BMPR2: variants seen among roughly 807,000 people sequenced by gnomAD.
BMPR2 encodes bone morphogenetic protein receptor type-2.
Under a neutral mutation model 100.8 loss-of-function variants are expected in BMPR2, and 29 were observed. That is an observed-to-expected ratio of 0.29 (90% confidence interval 0.21 to 0.39). The LOEUF (loss-of-function observed/expected upper bound fraction) is 0.39. BMPR2 is among the 10% of genes least tolerant of loss of function. The pLI, the probability that BMPR2 is intolerant of heterozygous loss-of-function variation, is 1.00. For missense variants in BMPR2, 1,011 were observed against 1,274.5 expected, an observed-to-expected ratio of 0.79 and a Z score of 3.15; for synonymous variants, 382 against 442.3, an observed-to-expected ratio of 0.86 and a Z score of 1.71.
rs555887407 is a variant in BMPR2, at chr2:202,435,983, A to G, written c.77-28826A>G. Among the ~76,000 whole-genome samples the G allele has an allele frequency of 1.1e-3, 173 of 150,782 alleles. 4 individuals carry two copies. The Middle Eastern group carries it at 0.027, about 24-fold the overall frequency. ...ACATATTTCTGTCATTAAGCCACAC[A>G]TGACTGCCTTAAGTATTGTTCCATG... is the stretch of plus-strand genomic sequence containing the variant. On this transcript the variant is annotated intron_variant, in intron 1 of 12. Coordinates refer to ENST00000374580, the MANE Select transcript of BMPR2 (RefSeq NM_001204.7).
chr2:202,405,476 C>T (rs1220939869), intron 1 of BMPR2, among the ~76,000 whole-genome samples: 1 of 152,018 alleles, frequency 6.6e-6, no homozygotes, highest in Non-Finnish European at 1.5e-5. Flanking sequence ...ATCACGAGGT[C>T]AGGAGATCGA....
intron 3 of BMPR2, among the ~76,000 whole-genome samples, chr2:202,490,656 G>A (rs752642858): frequency 6.6e-6 from 1 of 152,202 alleles, no homozygotes; most frequent in South Asian, 2.1e-4. Context: ...TTTCTCCAGT[G>A]CTTCTAAGCA....
intron 3 of BMPR2, among the ~76,000 whole-genome samples, chr2:202,472,725 A>C (rs762981959): frequency 5.9e-5 from 9 of 152,212 alleles, no homozygotes; most frequent in Non-Finnish European, 1.2e-4. Flanking sequence ...GCTGCCTTAC[A>C]TTTCAGATTG....
In BMPR2 at chr2:202,432,326, G is replaced by A. The variant is rs181699677; in HGVS notation, c.77-32483G>A. ...ACCAGGTAATGATTTATTCCTTGCC[G>A]GTTATTTGAGATTTTTCTTTACCAT... On this transcript the variant is annotated intron_variant, in intron 1 of 12. Coordinates refer to ENST00000374580, the MANE Select transcript of BMPR2 (RefSeq NM_001204.7). Among the ~76,000 whole-genome samples, 11 of 150,644 alleles carry A rather than the reference G, an allele frequency of 7.3e-5. 1 individual carries two copies. Among genetic ancestry groups the A allele is most frequent in the African/African-American group, 2.0e-4 (8 of 40,038 alleles).
chr2:202,417,330 C>CTTTTTT (rs1394848123), intron 1 of BMPR2, among the ~76,000 whole-genome samples: 2 of 151,376 alleles, frequency 1.3e-5, no homozygotes, highest in Non-Finnish European at 2.9e-5. Context: ...CGGAGTTTCA[C>CTTTTTT]TTTTTTTGCC....
chr2:202,406,971 A>G (rs1264501742), intron 1 of BMPR2, among the ~76,000 whole-genome samples: 2 of 151,632 alleles, frequency 1.3e-5, no homozygotes, highest in Non-Finnish European at 1.5e-5. Context: ...CAGAGTTTCA[A>G]ACTTACTCGA....
intron 1 of BMPR2, among the ~76,000 whole-genome samples, chr2:202,451,034 C>T (rs1241260564): frequency 1.3e-5 from 2 of 152,076 alleles, no homozygotes; most frequent in Admixed American, 1.3e-4. Context: ...CAAGCATGCC[C>T]AGAATTAGTC....
chr2:202,378,138 G>C (rs1690192687), intron 1 of BMPR2, among the ~76,000 whole-genome samples: 1 of 152,184 alleles, frequency 6.6e-6, no homozygotes, highest in Non-Finnish European at 1.5e-5. Flanking sequence ...TAACTTTACT[G>C]TTAGTCATCT....
chr2:202,506,426 C>T (rs1054858955), intron 3 of BMPR2, among the ~76,000 whole-genome samples: 2 of 152,088 alleles, frequency 1.3e-5, no homozygotes, highest in African/African-American at 4.8e-5. Context: ...TTGGCCTCCA[C>T]TTTACAGACA....
At position 202,376,511 on chromosome 2, in the gene BMPR2, A is replaced by AGGCGGCGGCGGCGGCGGCGGC. The variant is rs375624016; in HGVS notation, c.-948_-928dup. Among the ~76,000 whole-genome samples the AGGCGGCGGCGGCGGCGGCGGC allele has an allele frequency of 7.3e-4, 92 of 125,864 alleles. No individual in the cohort carries two copies. Among genetic ancestry groups the AGGCGGCGGCGGCGGCGGCGGC allele is most frequent in the African/African-American group, 1.6e-3 (54 of 34,012 alleles). 82.6% of individuals were successfully genotyped at this position (125,864 alleles called of 152,430 possible). On this transcript the variant is annotated 5_prime_UTR_variant, in exon 1 of 13. Coordinates refer to ENST00000374580, the MANE Select transcript of BMPR2 (RefSeq NM_001204.7). ...AGGAGCCCAGAGCTGCGGGAGAACG[A>AGGCGGCGGCGGCGGCGGCGGC]GGCGGCGGCGGCGGCGGCGGCGGCG...
chr2:202,450,406 C>T (rs1691953220), intron 1 of BMPR2, among the ~76,000 whole-genome samples: 1 of 151,832 alleles, frequency 6.6e-6, no homozygotes, highest in Non-Finnish European at 1.5e-5. Context: ...AAGATTTCAC[C>T]ATGGGCTGGG....
At chr2:202,558,830 T>G in intron 12 of BMPR2, among the ~76,000 whole-genome samples, 1 of 150,260 alleles carries the variant, frequency 6.7e-6, no homozygotes, top group South Asian at 2.1e-4. Flanking sequence ...GAGGCAGAGG[T>G]TGCGGTGAGC....
At chr2:202,483,501 C>T (rs1284418580) in intron 3 of BMPR2, among the ~76,000 whole-genome samples, 1 of 151,696 alleles carries the variant, frequency 6.6e-6, no homozygotes, top group African/African-American at 2.4e-5. Context: ...CAGGTTCAAG[C>T]CATTCTCCTG....
chr2:202,518,587 T>A (rs1021555952), intron 5 of BMPR2, among the ~76,000 whole-genome samples: 1 of 152,170 alleles, frequency 6.6e-6, no homozygotes, highest in Non-Finnish European at 1.5e-5. Flanking sequence ...TGCCTTTAGA[T>A]CTTTCTTTTT....
At chr2:202,486,241 G>C (rs543041872) in intron 3 of BMPR2, among the ~76,000 whole-genome samples, 9 of 152,264 alleles carry the variant, frequency 5.9e-5, no homozygotes, top group African/African-American at 2.2e-4. Context: ...CAGAAAAGTA[G>C]AAAACAGACA....
chr2:202,514,896 A>C lies in BMPR2; in HGVS notation c.538A>C (p.Lys180Gln), dbSNP rs751814156. The change falls in exon 5 of 13, where the codon AAA becomes CAA. Residue 180 changes from lysine (K) to glutamine (Q), a missense_variant. Lys to Gln is a moderately conservative substitution (Grantham distance 53). Coordinates refer to ENST00000374580, the MANE Select transcript of BMPR2 (RefSeq NM_001204.7). The stretch of plus-strand genomic sequence containing the variant: ...GTTTCCTGTTCTTATAGGAGACCGT[A>C]AACAAGGTCTTCACAGTATGAACAT... ...FGYRMLTGDR[K>Q]QGLHSMNMME... is the part of the protein sequence containing the mutation. 1 of 1,613,672 alleles carries C rather than the reference A, an allele frequency of 6.2e-7. No homozygotes were observed. Among genetic ancestry groups the C allele is most frequent in the Non-Finnish European group, 8.5e-7 (1 of 1,179,586 alleles).
chr2:202,493,317 T>A (rs1037546857), intron 3 of BMPR2, among the ~76,000 whole-genome samples: 1 of 152,180 alleles, frequency 6.6e-6, no homozygotes, highest in African/African-American at 2.4e-5. Context: ...TTTAAAGTTG[T>A]ATAGAGTAAC....
chr2:202,405,463 C>T (rs1008232450), intron 1 of BMPR2, among the ~76,000 whole-genome samples: 11 of 151,760 alleles, frequency 7.2e-5, no homozygotes, highest in African/African-American at 2.4e-4. Context: ...CTGAGGCGGG[C>T]GGATCACGAG....
chr2:202,522,595 C>T (rs1300272463), intron 7 of BMPR2, among the ~76,000 whole-genome samples: 4 of 151,926 alleles, frequency 2.6e-5, no homozygotes, highest in East Asian at 1.9e-4. Flanking sequence ...TTTGGGAGGC[C>T]GAGGCAGGTG....
Sources: gnomAD v4.1 joint callset for allele counts (sites outside exome capture counted in the v4.1 genomes callset) on GRCh38, gnomAD v4.1.1 for gene constraint, MANE v1.5 for transcripts, NCBI Gene and HGNC (gene_info 2026-07-23, HGNC 2026-07-21) for gene names.